PARP8: variants seen among roughly 807,000 people sequenced by gnomAD.
The protein encoded by PARP8 is poly(ADP-ribose) polymerase family member 8.
Under a neutral mutation model 124.1 loss-of-function variants are expected in PARP8, and 51 were observed. That is an observed-to-expected ratio of 0.41 (90% confidence interval 0.33 to 0.52). The LOEUF (loss-of-function observed/expected upper bound fraction) is 0.52, where lower values mean the gene tolerates loss of function less well. Ranked by LOEUF, PARP8 falls within the 20% of genes least tolerant of loss-of-function variation. The probability of loss-of-function intolerance (pLI) is 0.21; values close to 1 mark genes in which losing one functional copy is unlikely to be tolerated. For missense variants in PARP8, 860 were observed against 1,018.9 expected, an observed-to-expected ratio of 0.84 and a Z score of 2.12; for synonymous variants, 391 against 361.5, an observed-to-expected ratio of 1.08 and a Z score of -0.93.
In PARP8 at chr5:50,767,786, C is replaced by T. The variant is rs184529630; in HGVS notation, c.518+4544C>T. Among the ~76,000 whole-genome samples, 14 of 152,306 alleles carry T rather than the reference C, an allele frequency of 9.2e-5. No homozygotes were observed. In the East Asian group the frequency reaches 2.5e-3, roughly 27 times the overall value. ...TTGGCCCATTCACAAACATCTCTCC[C>T]ACGCTGGGCAAAAACCACACATTGA... is the stretch of plus-strand genomic sequence containing the variant. On this transcript the variant is annotated intron_variant, in intron 7 of 25. Coordinates refer to ENST00000281631, the MANE Select transcript of PARP8 (RefSeq NM_024615.4).
intron 2 of PARP8, among the ~76,000 whole-genome samples, chr5:50,690,453 C>G (rs1286436919): frequency 6.6e-6 from 1 of 152,156 alleles, no homozygotes; most frequent in African/African-American, 2.4e-5. Context: ...TCTCTCTCTT[C>G]CCTCTTGCTG....
intron 2 of PARP8, among the ~76,000 whole-genome samples, chr5:50,719,495 T>G (rs1325279411): frequency 6.6e-6 from 1 of 152,080 alleles, no homozygotes; most frequent in Non-Finnish European, 1.5e-5. Flanking sequence ...TTCGATTAGA[T>G]TTTTGTGTAT....
chr5:50,687,081 T>A lies in PARP8; in HGVS notation c.146+18956T>A, dbSNP rs185976894. Among the ~76,000 whole-genome samples, 400 of 152,334 alleles carry A rather than the reference T, an allele frequency of 2.6e-3. 10 individuals carry two copies. The East Asian group carries it at 0.034, about 13-fold the overall frequency. On this transcript the variant is annotated intron_variant, in intron 2 of 25. Coordinates refer to ENST00000281631, the MANE Select transcript of PARP8 (RefSeq NM_024615.4). ...TGGGTTTTTCTTTTCTATCACATTGTCAGGCAGCAAATTTTCTGAACTTTT... is the reference window on the plus strand; with the variant it reads ...TGGGTTTTTCTTTTCTATCACATTGACAGGCAGCAAATTTTCTGAACTTTT...
chr5:50,667,378 ACCG>A (rs1749421303), intron 1 of PARP8, among the ~76,000 whole-genome samples, 192 bp downstream of exon 1: 1 of 152,130 alleles, frequency 6.6e-6, no homozygotes, highest in South Asian at 2.1e-4. Flanking sequence ...CCCCTCCCCC[ACCG>A]CCAAGTCTGA....
chr5:50,816,616 A>G (rs910536640), intron 15 of PARP8, among the ~76,000 whole-genome samples: 1 of 152,214 alleles, frequency 6.6e-6, no homozygotes, highest in African/African-American at 2.4e-5. Flanking sequence ...AAATGAAACA[A>G]ATAATACAAA....
At chr5:50,815,551 C>A in intron 15 of PARP8, 27 bp downstream of exon 15, 1 of 1,519,860 alleles carries the variant, frequency 6.6e-7, no homozygotes, top group East Asian at 2.5e-5. Context: ...CTAATTATTT[C>A]TTATTTTGCT....
chr5:50,778,614 C>G lies in PARP8; in HGVS notation c.634C>G (p.Leu212Val). The change falls in exon 9 of 26, where the codon CTA (leucine) becomes GTA (valine). Residue 212 changes from leucine to valine, a missense_variant. By Grantham distance (32) the Leu-to-Val change is conservative (BLOSUM62 1). This residue lies in a region of PARP8 where 517 missense variants were observed against 544.2 expected (regional missense o/e 0.95). Coordinates refer to ENST00000281631, the MANE Select transcript of PARP8 (RefSeq NM_024615.4). ...VIRTEPIIVR[L>V]HCSLTQYLNG... is the part of the protein sequence containing the mutation. ...TCGAACAGAACCTATAATTGTTCGA[C>G]TACACTGTTCACTTACACAGTATTT... 6.2e-7 allele frequency: 1 copy of G among 1,608,354 alleles called. No individual in the cohort carries two copies. Among genetic ancestry groups the G allele is most frequent in the Non-Finnish European group, 8.5e-7 (1 of 1,177,834 alleles).
At chr5:50,774,547 A>G (rs1739688351) in intron 7 of PARP8, among the ~76,000 whole-genome samples, 1 of 114,788 alleles carries the variant, frequency 8.7e-6, no homozygotes, top group Admixed American at 1.0e-4. Flanking sequence ...GGCGCTCCTC[A>G]TTTCCCAGAT....
At chr5:50,740,510 C>CG (rs1274617920) in intron 2 of PARP8, among the ~76,000 whole-genome samples, 2 of 152,042 alleles carry the variant, frequency 1.3e-5, no homozygotes, top group African/African-American at 4.8e-5. Flanking sequence ...GAAGGTCTTG[C>CG]GGGGGCTTTA....
intron 2 of PARP8, among the ~76,000 whole-genome samples, chr5:50,686,378 C>A (rs1751861789): frequency 1.3e-5 from 2 of 152,204 alleles, no homozygotes; most frequent in Admixed American, 1.3e-4. Flanking sequence ...GGCAGCTCCA[C>A]CCCTGTGACT....
intron 2 of PARP8, among the ~76,000 whole-genome samples, chr5:50,746,551 T>TA (rs200732242): frequency 2.7e-4 from 41 of 151,270 alleles, no homozygotes; most frequent in Middle Eastern, 3.4e-3. Context: ...ATATAAAAAG[T>TA]AAAAAAAAAT....
At chr5:50,667,567 G>C (rs941136726) in intron 1 of PARP8, 1 of 699,894 alleles carries the variant, frequency 1.4e-6, no homozygotes, top group Non-Finnish European at 2.6e-6. Flanking sequence ...AGCGGCGGCG[G>C]CCGGGAATGG....
intron 14 of PARP8, among the ~76,000 whole-genome samples, chr5:50,809,870 A>G (rs1248443742): frequency 3.3e-5 from 5 of 152,074 alleles, no homozygotes; most frequent in Non-Finnish European, 5.9e-5. Context: ...TTTTCTCTAC[A>G]TAAATACATA....
chr5:50,736,930 C>G (rs1260095926), intron 2 of PARP8, among the ~76,000 whole-genome samples: 3 of 152,090 alleles, frequency 2.0e-5, no homozygotes, highest in African/African-American at 7.2e-5. Context: ...AGCTACTGAT[C>G]AAGGTGATAA....
In PARP8 at chr5:50,797,150, G is replaced by T; in HGVS notation, c.1492G>T (p.Ala498Ser). 1 of 1,613,024 alleles carries T rather than the reference G, an allele frequency of 6.2e-7. No homozygotes were observed. Among genetic ancestry groups the T allele is most frequent in the Non-Finnish European group, 8.5e-7 (1 of 1,179,378 alleles). The change falls in exon 14 of 26, where the codon GCT (alanine) becomes TCT (serine). Residue 498 changes from alanine to serine, a missense_variant. Ala to Ser is a moderately conservative substitution (Grantham distance 99). Around this residue, in one of 2 missense-constraint regions of PARP8, gnomAD observed 343 missense variants for 474.7 expected, o/e 0.72. Coordinates refer to ENST00000281631, the MANE Select transcript of PARP8 (RefSeq NM_024615.4). ...RGFLVQTIEFAEQRIPVLNEY... is the reference protein window; with the variant it reads ...RGFLVQTIEFSEQRIPVLNEY... ...CTGTTTTATTCAGACAATTGAGTTTGCTGAACAGCGGATCCCTGTATTAAA... is the reference window on the plus strand; with the variant it reads ...CTGTTTTATTCAGACAATTGAGTTTTCTGAACAGCGGATCCCTGTATTAAA...
At chr5:50,758,695 T>G (rs1760221958) in intron 3 of PARP8, among the ~76,000 whole-genome samples, 8 of 152,174 alleles carry the variant, frequency 5.3e-5, no homozygotes, top group Admixed American at 3.9e-4. Flanking sequence ...AGGACCATTA[T>G]TAATGAATTG....
intron 2 of PARP8, among the ~76,000 whole-genome samples, chr5:50,692,180 A>G (rs529879432): frequency 3.9e-5 from 6 of 152,280 alleles, no homozygotes; most frequent in South Asian, 2.1e-4. Flanking sequence ...TTGTTATTCT[A>G]TTGACCGCAG....
intron 22 of PARP8, among the ~76,000 whole-genome samples, chr5:50,830,927 A>G (rs2149716545): frequency 6.6e-6 from 1 of 152,182 alleles, no homozygotes; most frequent in Admixed American, 6.5e-5. Context: ...TCCTCATGTT[A>G]TAGGAAAGGA....
intron 10 of PARP8, among the ~76,000 whole-genome samples, chr5:50,789,882 C>T (rs1196550980): frequency 5.3e-5 from 8 of 152,058 alleles, no homozygotes; most frequent in Non-Finnish European, 1.2e-4. Context: ...CATATGTGGG[C>T]TTCTACTGAG....
Sources: allele counts gnomAD v4.1 joint callset (sites outside exome capture counted in the v4.1 genomes callset), GRCh38; gene constraint gnomAD v4.1.1; regional missense constraint gnomAD v4.1.1; transcripts MANE v1.5; gene names NCBI Gene and HGNC (gene_info 2026-07-23, HGNC 2026-07-21).